FBXL13: variants seen among roughly 807,000 people sequenced by gnomAD.
FBXL13 encodes the protein F-box and leucine-rich repeat protein 13.
FBXL13 carries 67 observed loss-of-function variants against 83.6 expected under a neutral mutation model. That is an observed-to-expected ratio of 0.80 (90% CI 0.66 to 0.98). The LOEUF is 0.98. Among genes scored for constraint, FBXL13 ranks in the 50% least tolerant of loss-of-function variants. The pLI is 0.00. For missense variants in FBXL13, 822 were observed against 866.5 expected, an observed-to-expected ratio of 0.95 and a Z score of 0.64; for synonymous variants, 272 against 299.5, an observed-to-expected ratio of 0.91 and a Z score of 0.95.
chr7:102,894,326 T>A (rs1258138020), intron 11 of FBXL13, among the ~76,000 whole-genome samples: 1 of 152,242 alleles, frequency 6.6e-6, no homozygotes, highest in Non-Finnish European at 1.5e-5. Context: ...CAAGAACTGA[T>A]AAGCCATTAT....
chr7:102,969,159 C>G (rs547915585), intron 6 of FBXL13, among the ~76,000 whole-genome samples: 1 of 152,202 alleles, frequency 6.6e-6, no homozygotes, highest in Admixed American at 6.5e-5. Context: ...AGAGCAACTT[C>G]TAGTCCTCCA....
At chr7:102,822,354 G>T in intron 18 of FBXL13, 151 bp from the exon 20 acceptor site, 2 of 789,158 alleles carry the variant, frequency 2.5e-6, no homozygotes, top group East Asian at 2.7e-5. Context: ...AGGCTGGGAA[G>T]TCCAAGACTG....
chr7:102,968,948 A>T (rs1207527611), intron 6 of FBXL13, among the ~76,000 whole-genome samples: 2 of 152,244 alleles, frequency 1.3e-5, no homozygotes, highest in Admixed American at 1.3e-4. Context: ...GCAGTCCCAT[A>T]AGATTATAAT....
intron 11 of FBXL13, among the ~76,000 whole-genome samples, chr7:102,906,326 A>G (rs1469849969): frequency 6.6e-6 from 1 of 152,176 alleles, no homozygotes; most frequent in African/African-American, 2.4e-5. Flanking sequence ...ATGTCTTGAA[A>G]AGTTGTTGTA....
At chr7:103,038,519 C>T (rs769697061) in intron 2 of FBXL13, among the ~76,000 whole-genome samples, 2 of 152,220 alleles carry the variant, frequency 1.3e-5, no homozygotes, top group Non-Finnish European at 2.9e-5. Context: ...TCAAGCAGGT[C>T]CCTGACCCCC....
At chr7:102,851,129 T>G (rs1044928011) in intron 17 of FBXL13, among the ~76,000 whole-genome samples, 9 of 152,176 alleles carry the variant, frequency 5.9e-5, no homozygotes, top group African/African-American at 2.2e-4. Context: ...AGGTAATTTT[T>G]TATTCTTACT....
At chr7:103,055,040 T>C in intron 2 of FBXL13, 48 bp downstream of exon 3, 1 of 1,122,356 alleles carries the variant, frequency 8.9e-7, no homozygotes, top group Non-Finnish European at 1.2e-6. Context: ...GAAAATTCCA[T>C]CGAAGTTTAA....
intron 1 of FBXL13, among the ~76,000 whole-genome samples, chr7:103,065,543 T>C (rs760815324): frequency 6.6e-6 from 1 of 152,202 alleles, no homozygotes; most frequent in Non-Finnish European, 1.5e-5. Context: ...TAAAGAACAA[T>C]TTATTCTATC....
At chr7:102,970,765 T>C (rs1044138752) in intron 6 of FBXL13, among the ~76,000 whole-genome samples, 1 of 152,088 alleles carries the variant, frequency 6.6e-6, no homozygotes, top group African/African-American at 2.4e-5. Context: ...AAGAACCAAA[T>C]AAAATCATGA....
In FBXL13 at chr7:102,873,145, C is replaced by T. The variant is rs147462859; in HGVS notation, c.1635+4322G>A. 3.7e-3 allele frequency among the ~76,000 whole-genome samples: 564 copies of T among 152,306 alleles called. 5 individuals are homozygous for T. Among genetic ancestry groups the T allele is most frequent in the African/African-American group, 0.013 (557 of 41,554 alleles). ...CATGAGTTTTCATGATTTTTCAGAA[C>T]ACAGTGTCCCTTTAGCCTCTCCAAC... On this transcript the variant is annotated intron_variant, in intron 16 of 19. Transcript: ENST00000313221.
At chr7:102,825,250 G>T (rs1799422545) in intron 18 of FBXL13, among the ~76,000 whole-genome samples, 1 of 152,134 alleles carries the variant, frequency 6.6e-6, no homozygotes, top group Non-Finnish European at 1.5e-5. Flanking sequence ...GTATTGAGAG[G>T]TGGGGCCCTT....
intron 8 of FBXL13, among the ~76,000 whole-genome samples, chr7:102,935,257 T>C (rs1187736003): frequency 1.5e-5 from 2 of 133,472 alleles, no homozygotes; most frequent in Non-Finnish European, 3.2e-5. Flanking sequence ...TTTTTTTTTT[T>C]TTTTTTTTTT....
chr7:102,984,504 G>A (rs993804636), intron 6 of FBXL13, among the ~76,000 whole-genome samples: 1 of 152,160 alleles, frequency 6.6e-6, no homozygotes, highest in Non-Finnish European at 1.5e-5. Flanking sequence ...GAGAGCTGGT[G>A]GTATAGTTCC....
intron 6 of FBXL13, among the ~76,000 whole-genome samples, chr7:103,003,106 C>A (rs1790575340): frequency 6.6e-6 from 1 of 151,786 alleles, no homozygotes; most frequent in African/African-American, 2.4e-5. Context: ...TTAATTCTTT[C>A]TTTTCCTTTG....
chr7:102,940,236 A>T, intron 8 of FBXL13, among the ~76,000 whole-genome samples: 1 of 119,004 alleles, frequency 8.4e-6, no homozygotes, highest in African/African-American at 3.3e-5. Flanking sequence ...TTTGAGATGG[A>T]GTCTAGCTCT....
At chr7:102,979,609 G>T (rs1461848799) in intron 6 of FBXL13, among the ~76,000 whole-genome samples, 1 of 152,166 alleles carries the variant, frequency 6.6e-6, no homozygotes, top group Non-Finnish European at 1.5e-5. Flanking sequence ...ATACCTCTGA[G>T]GGAGAAAAGA....
intron 8 of FBXL13, among the ~76,000 whole-genome samples, chr7:102,941,614 A>G (rs1204292296): frequency 2.0e-5 from 3 of 152,056 alleles, no homozygotes; most frequent in Non-Finnish European, 2.9e-5. Flanking sequence ...GATGGCTACA[A>G]ACTAAAGAAT....
At chr7:102,935,398 G>T (rs1820133206) in intron 8 of FBXL13, among the ~76,000 whole-genome samples, 1 of 151,560 alleles carries the variant, frequency 6.6e-6, no homozygotes, top group Admixed American at 6.6e-5. Flanking sequence ...TTTAATAAAT[G>T]CCTCTTAACA....
chr7:102,931,816 ATT>A, intron 9 of FBXL13, 63 bp downstream of exon 10: 2 of 1,469,730 alleles, frequency 1.4e-6, no homozygotes, highest in South Asian at 2.4e-5. Context: ...TATTCTGCAT[ATT>A]GGCACCCCAA....
Sources: gnomAD v4.1 joint callset for allele counts (sites outside exome capture counted in the v4.1 genomes callset) on GRCh38, gnomAD v4.1.1 for gene constraint, MANE v1.5 for transcripts, NCBI Gene and HGNC (gene_info 2026-07-23, HGNC 2026-07-21) for gene names.